The following CYP4F11 variants were observed in gnomAD, a reference collection of about 807,000 sequenced individuals.
CYP4F11 encodes cytochrome P450 4F11.
Under a neutral mutation model 62.2 loss-of-function variants are expected in CYP4F11, and 79 were observed. The ratio of observed to expected loss-of-function variants is 1.27; its 90% confidence interval spans 1.06 to 1.53. CYP4F11 has a LOEUF of 1.53. Ranked by LOEUF, CYP4F11 falls within the 40% of genes most tolerant of loss-of-function variation. CYP4F11 has a pLI of 0.00. For missense variants in CYP4F11, 777 were observed against 680.5 expected (o/e 1.14, Z -1.58); for synonymous variants, 290 against 263.7 (o/e 1.10, Z -0.97).
chr19:15,928,813 G>A (rs1473454107), intron 2 of CYP4F11, among the ~76,000 whole-genome samples: 3 of 152,178 alleles, frequency 2.0e-5, no homozygotes, highest in South Asian at 2.1e-4. Context: ...TGGAGCAGGA[G>A]AGCCATGAAT....
At position 15,934,197 on chromosome 19, in the gene CYP4F11, G is replaced by C; in HGVS notation, c.198+14C>G. The C allele has an allele frequency of 1.2e-6, 2 of 1,612,980 alleles. No individual in the cohort carries two copies. The highest frequency in any genetic ancestry group is 1.7e-6 in the Non-Finnish European group (2 of 1,179,366). ...CATCCTGAGACCCCAGACCCGTCCT[G>C]CTGACAAACTCACCAGGCCCTGGTG... On this transcript the variant is annotated intron_variant, in intron 1 of 11. Transcript: ENST00000402119.
rs759899229 is a variant in CYP4F11 at position 15,929,506 on chromosome 19, G to T, written c.294C>A (p.Leu98=). 6.2e-7 allele frequency: 1 copy of T among 1,614,162 alleles called. No individual in the cohort carries two copies. The highest frequency in any genetic ancestry group is 1.1e-5 in the South Asian group (1 of 91,070). ...TAATGTCAGGGTGGCATAAAATGAG[G>T]AGGGGGAAGGTAGGACCCAGCCACA... ...FKLWLGPTFP[L]LILCHPDIIR... Residue 98 remains leucine (L), a synonymous_variant, in exon 2 of 12, where the codon CTC becomes CTA. Transcript: ENST00000402119.
At chr19:15,913,986 G>T (rs1403320642) in intron 11 of CYP4F11, 77 bp from the exon 12 acceptor site, 13 of 1,523,528 alleles carry the variant, frequency 8.5e-6, no homozygotes, top group Non-Finnish European at 1.1e-5. Context: ...ACCTGGCCTG[G>T]GACCCCAAAC....
intron 8 of CYP4F11, among the ~76,000 whole-genome samples, chr19:15,919,058 GTA>G (rs1191109480): frequency 1.3e-5 from 2 of 149,584 alleles, no homozygotes; most frequent in Non-Finnish European, 3.0e-5. Context: ...ATATTTCTAT[GTA>G]TATGGAAATA....
Position 15,914,650 on chromosome 19 carries a change from G to A in CYP4F11, c.1266C>T (p.Ile422=), listed in dbSNP as rs1342264644. Residue 422 remains isoleucine (I), a synonymous_variant, in exon 10 of 12, where the codon ATC becomes ATT. Coordinates refer to ENST00000402119, the MANE Select transcript of CYP4F11 (RefSeq NM_021187.4). ...RVIPKGIVCL[I]NIIGIHYNPT... ...GGTTGTAATGGATCCCGATAATATT[G>A]ATGAGGCAGACAATGCCTGTGGGAG... is the stretch of plus-strand genomic sequence containing the variant. 4 of 1,614,090 alleles carry A rather than the reference G, an allele frequency of 2.5e-6. No homozygotes were observed. Among genetic ancestry groups the A allele is most frequent in the Middle Eastern group, 3.3e-4 (2 of 6,084 alleles).
intron 1 of CYP4F11, among the ~76,000 whole-genome samples, chr19:15,930,937 T>G (rs945948527): frequency 1.3e-5 from 2 of 152,208 alleles, no homozygotes; most frequent in Non-Finnish European, 2.9e-5. Flanking sequence ...TGTGCTAGTG[T>G]GTCCTATTCA....
At position 15,912,788 on chromosome 19, in the gene CYP4F11, T is replaced by TGTG. The variant is rs1261288089; in HGVS notation, c.*943_*944insCAC. The TGTG allele has an allele frequency of 8.3e-5, 8 of 96,778 alleles. No homozygotes were observed. The highest frequency in any genetic ancestry group is 3.9e-4 in the South Asian group (1 of 2,594). The allele number at this position is 96,778 out of a possible 1,614,324, so 6.0% of individuals were successfully genotyped here. ...GTGTGTGTGTATATATATATATATA[T>TGTG]AATATATATATATATATACATATCT... On this transcript the variant is annotated 3_prime_UTR_variant, in exon 12 of 12. Transcript: ENST00000402119.
chr19:15,929,436 C>T lies in CYP4F11; in HGVS notation c.343+21G>A, dbSNP rs538388982. ...CTTTGATGTTTCCCAGCCCCCACTACCACAAGCTCTGCACGGGTACCTGAG... is the reference window on the plus strand; with the variant it reads ...CTTTGATGTTTCCCAGCCCCCACTATCACAAGCTCTGCACGGGTACCTGAG... On this transcript the variant is annotated intron_variant, in intron 2 of 11. Transcript: ENST00000402119. 3.7e-6 allele frequency: 6 copies of T among 1,613,966 alleles called. No individual in the cohort carries two copies. The African/African-American group carries it at 8.0e-5, about 22-fold the overall frequency.
chr19:15,934,718 C>A, upstream of CYP4F11: 1 of 319,400 alleles, frequency 3.1e-6, no homozygotes, highest in Admixed American at 5.0e-5. Flanking sequence ...TCTCCCAGGC[C>A]AGCAGCCTTG....
chr19:15,934,187 G>C, intron 1 of CYP4F11, 24 bp downstream of exon 1: 1 of 1,612,336 alleles, frequency 6.2e-7, no homozygotes, highest in Non-Finnish European at 8.5e-7. Context: ...TGAGACCCCA[G>C]ACCCGTCCTG....
At chr19:15,931,711 A>G (rs2089726733) in intron 1 of CYP4F11, among the ~76,000 whole-genome samples, 1 of 71,548 alleles carries the variant, frequency 1.4e-5, no homozygotes, top group Non-Finnish European at 2.6e-5. Context: ...CGAGGAGAGG[A>G]ATGAGTGAGC....
intron 2 of CYP4F11, 103 bp from the exon 3 acceptor site, chr19:15,927,586 C>T (rs1206513761): frequency 6.8e-7 from 1 of 1,477,508 alleles, no homozygotes; most frequent in Admixed American, 1.8e-5. Context: ...CCACGCATCC[C>T]ACCCAGCATA....
chr19:15,923,537 T>C (rs1254235306), intron 6 of CYP4F11, among the ~76,000 whole-genome samples: 3 of 152,190 alleles, frequency 2.0e-5, no homozygotes, highest in African/African-American at 4.8e-5. Context: ...TCTGTCATCA[T>C]AGATATAGAC....
At position 15,922,089 on chromosome 19, in the gene CYP4F11, G is replaced by C; in HGVS notation, c.1063C>G (p.Arg355Gly). Reference protein sequence around the residue: ...AKHPEYQEQCRQEVQELLKDR... With the variant: ...AKHPEYQEQCGQEVQELLKDR... Reference sequence around the variant, plus strand: ...TTCAGAAGCTCTTGCACTTCTTGCCGGCACTGTTCCTGGTATTCTGGGTGC... The same window carrying C: ...TTCAGAAGCTCTTGCACTTCTTGCCCGCACTGTTCCTGGTATTCTGGGTGC... Residue 355 changes from arginine to glycine, a missense_variant, in exon 8 of 12, where the codon CGG becomes GGG. By Grantham distance (125) the Arg-to-Gly change is moderately radical. Transcript: ENST00000402119. 6.2e-7 allele frequency: 1 copy of C among 1,613,952 alleles called. No homozygotes were observed. The highest frequency in any genetic ancestry group is 8.5e-7 in the Non-Finnish European group (1 of 1,179,934).
Position 15,913,670 on chromosome 19 carries a change from C to A in CYP4F11, c.*62G>T. 1.1e-5 allele frequency: 18 copies of A among 1,600,766 alleles called. No homozygotes were observed. Among genetic ancestry groups the A allele is most frequent in the Non-Finnish European group, 1.5e-5 (18 of 1,170,410 alleles). ...ATGCTGGCTGTCAACGAGGCTCAAGCAGAGGTGTCAGCATAGTTTTGTTTC... is the reference window on the plus strand; with the variant it reads ...ATGCTGGCTGTCAACGAGGCTCAAGAAGAGGTGTCAGCATAGTTTTGTTTC... On this transcript the variant is annotated 3_prime_UTR_variant, in exon 12 of 12. Coordinates refer to ENST00000402119, the MANE Select transcript of CYP4F11 (RefSeq NM_021187.4).
chr19:15,924,165 G>A (rs901061578), intron 5 of CYP4F11, 83 bp from the exon 6 acceptor site: 28 of 1,503,244 alleles, frequency 1.9e-5, no homozygotes, highest in Non-Finnish European at 2.4e-5. Context: ...TGCCCATCAG[G>A]AAATTGAGTA....
chr19:15,912,805 T>TAC lies in CYP4F11; in HGVS notation c.*925_*926dup, dbSNP rs1555776636. 2.0e-3 allele frequency: 201 copies of TAC among 101,214 alleles called. 7 individuals carry two copies. The highest frequency in any genetic ancestry group is 0.012 in the Middle Eastern group (2 of 170). 6.3% of individuals were successfully genotyped at this position (101,214 alleles called of 1,614,324 possible). ...TATATATATAATATATATATATATA[T>TAC]ACATATCTTATATGCACAGCCCTCT... is the stretch of plus-strand genomic sequence containing the variant. On this transcript the variant is annotated 3_prime_UTR_variant, in exon 12 of 12. Transcript: ENST00000402119.
At position 15,929,602 on chromosome 19, in the gene CYP4F11, C is replaced by T. The variant is rs770265585; in HGVS notation, c.199-1G>A. ...TCATGCCCTCTTCCGTGGGAGTGACCTGAAAACAAGGCAGAGGCCGTCAGC... is the reference window on the plus strand; with the variant it reads ...TCATGCCCTCTTCCGTGGGAGTGACTTGAAAACAAGGCAGAGGCCGTCAGC... On this transcript the variant is annotated splice_acceptor_variant, in intron 1 of 11. Coordinates refer to ENST00000402119, the MANE Select transcript of CYP4F11 (RefSeq NM_021187.4). LOFTEE classifies it high-confidence loss of function. 7.5e-6 allele frequency: 12 copies of T among 1,591,188 alleles called. No individual in the cohort carries two copies. The highest frequency in any genetic ancestry group is 1.0e-5 in the Non-Finnish European group (12 of 1,167,366).
rs1481435324 is a variant in CYP4F11, at chr19:15,914,746, CT to C, written c.1249+15del. On this transcript the variant is annotated intron_variant, in intron 9 of 11. Coordinates refer to ENST00000402119, the MANE Select transcript of CYP4F11 (RefSeq NM_021187.4). Reference sequence around the variant, plus strand: ...CTTGCTACCCAGGAGGCTCCTCCCCCTGAGGCTGTGAGCACCTTTGGGGATG... The same window carrying C: ...CTTGCTACCCAGGAGGCTCCTCCCCCGAGGCTGTGAGCACCTTTGGGGATG... 6.2e-7 allele frequency: 1 copy of C among 1,614,076 alleles called. No homozygotes were observed. Among genetic ancestry groups the C allele is most frequent in the Admixed American group, 1.7e-5 (1 of 60,022 alleles).
Sources: allele counts gnomAD v4.1 joint callset (sites outside exome capture counted in the v4.1 genomes callset), GRCh38; gene constraint gnomAD v4.1.1; transcripts MANE v1.5; gene names NCBI Gene and HGNC (gene_info 2026-07-23, HGNC 2026-07-21).